Variants in WDR25 observed in about 807,000 individuals in gnomAD.
WDR25 encodes WD repeat-containing protein 25.
WDR25 carries 35 observed loss-of-function variants against 47.7 expected under a neutral mutation model. The ratio of observed to expected loss-of-function variants is 0.73; its 90% confidence interval spans 0.56 to 0.97. The LOEUF is 0.97. WDR25 is among the 50% of genes least tolerant of loss of function. The probability of loss-of-function intolerance (pLI) is 0.00; values close to 1 mark genes in which losing one functional copy is unlikely to be tolerated. For missense variants in WDR25, 634 were observed against 704.7 expected (o/e 0.90, Z 1.14); for synonymous variants, 248 against 278.9 (o/e 0.89, Z 1.10).
At chr14:100,396,771 G>A (rs892336594) in intron 2 of WDR25, among the ~76,000 whole-genome samples, 2 of 152,244 alleles carry the variant, frequency 1.3e-5, no homozygotes, top group African/African-American at 4.8e-5. Flanking sequence ...GTGGGCTGTG[G>A]CAGGGCCACA....
At chr14:100,472,666 G>A (rs1287218706) in intron 3 of WDR25, among the ~76,000 whole-genome samples, 4 of 152,248 alleles carry the variant, frequency 2.6e-5, no homozygotes, top group African/African-American at 9.6e-5. Flanking sequence ...GCTTACAGAT[G>A]TGCTGTTGGT....
chr14:100,521,806 G>A (rs180783031), intron 4 of WDR25, among the ~76,000 whole-genome samples: 91 of 152,250 alleles, frequency 6.0e-4, no homozygotes, highest in African/African-American at 1.9e-3. Context: ...GCATATTGCC[G>A]AGTAACGATG....
At chr14:100,464,733 T>C (rs1283011443) in intron 2 of WDR25, among the ~76,000 whole-genome samples, 1 of 55,760 alleles carries the variant, frequency 1.8e-5, no homozygotes, top group African/African-American at 7.5e-5. Flanking sequence ...TCTCCCCTAC[T>C]CCATCTCATC....
chr14:100,483,705 C>T (rs1900283368), intron 3 of WDR25, among the ~76,000 whole-genome samples: 1 of 152,182 alleles, frequency 6.6e-6, no homozygotes, highest in Non-Finnish European at 1.5e-5. Context: ...TAATGCATGT[C>T]ATGCTTACAG....
chr14:100,411,856 G>A (rs900760529), intron 2 of WDR25, among the ~76,000 whole-genome samples: 4 of 152,060 alleles, frequency 2.6e-5, no homozygotes, highest in Non-Finnish European at 4.4e-5. Flanking sequence ...TTTTTATCAC[G>A]GCAACTATTG....
intron 2 of WDR25, among the ~76,000 whole-genome samples, chr14:100,403,480 C>T (rs929695083): frequency 3.9e-5 from 6 of 152,204 alleles, no homozygotes; most frequent in Admixed American, 1.3e-4. Context: ...TACCCTAGGT[C>T]TGGGGAAGGT....
At chr14:100,522,959 T>C (rs935708418) in intron 4 of WDR25, among the ~76,000 whole-genome samples, 1 of 152,152 alleles carries the variant, frequency 6.6e-6, no homozygotes, top group African/African-American at 2.4e-5. Flanking sequence ...TCTCCACGTC[T>C]GAGGCACAGG....
intron 2 of WDR25, among the ~76,000 whole-genome samples, chr14:100,397,678 T>A (rs1256572265): frequency 6.6e-6 from 1 of 152,164 alleles, no homozygotes; most frequent in Non-Finnish European, 1.5e-5. Flanking sequence ...GGGTAGCCAT[T>A]GCTCAGCAGC....
chr14:100,381,193 C>A lies in WDR25; in HGVS notation c.269C>A (p.Ser90Tyr). ...CAGCTTGGGAGAAGCGATTGGGGAT[C>A]TTGCCCCAGCCAGAGGCTACAGTGG... ...LAQLGRSDWG[S>Y]CPSQRLQWPG... The change falls in exon 2 of 7, where the codon TCT (serine) becomes TAT (tyrosine). Residue 90 changes from serine to tyrosine, a missense_variant. Coordinates refer to ENST00000402312, the MANE Select transcript of WDR25 (RefSeq NM_001161476.3). The A allele has an allele frequency of 6.2e-7, 1 of 1,614,180 alleles. No homozygotes were observed. Among genetic ancestry groups the A allele is most frequent in the South Asian group, 1.1e-5 (1 of 91,074 alleles).
chr14:100,418,542 C>A (rs993615665), intron 2 of WDR25, among the ~76,000 whole-genome samples: 7 of 150,848 alleles, frequency 4.6e-5, no homozygotes, highest in Middle Eastern at 3.2e-3. Flanking sequence ...GAGGCTGAGG[C>A]AGGAGAATTG....
intron 2 of WDR25, among the ~76,000 whole-genome samples, chr14:100,417,122 C>T (rs1413824696): frequency 2.0e-5 from 3 of 152,140 alleles, no homozygotes; most frequent in South Asian, 2.1e-4. Flanking sequence ...TTTGGTGAGC[C>T]GAGCCTGGGC....
intron 4 of WDR25, among the ~76,000 whole-genome samples, chr14:100,485,274 A>G (rs1020744719): frequency 5.3e-5 from 8 of 151,994 alleles, no homozygotes; most frequent in Non-Finnish European, 1.2e-4. Flanking sequence ...CCCCTCTGCT[A>G]TCTCATTTCT....
Position 100,528,415 on chromosome 14 carries a change from T to C in WDR25, c.1273-653T>C, listed in dbSNP as rs1227807672. Among the ~76,000 whole-genome samples the C allele has an allele frequency of 2.0e-5, 3 of 149,134 alleles. No individual in the cohort carries two copies. In the Admixed American group the frequency reaches 2.0e-4, roughly 10 times the overall value. On this transcript the variant is annotated intron_variant, in intron 5 of 6. Coordinates refer to ENST00000402312, the MANE Select transcript of WDR25 (RefSeq NM_001161476.3). Reference sequence around the variant, plus strand: ...TCACTGTTTGTCACATCTCTGCGCCTTCCCTTTGTTTCTTTCTTTCTTTTT... The same window carrying C: ...TCACTGTTTGTCACATCTCTGCGCCCTCCCTTTGTTTCTTTCTTTCTTTTT...
rs561898975 is a variant in WDR25 at position 100,390,895 on chromosome 14, C to T, written c.822+9149C>T. Among the ~76,000 whole-genome samples, 3 of 152,326 alleles carry T rather than the reference C, an allele frequency of 2.0e-5. No homozygotes were observed. The East Asian group carries it at 5.8e-4, about 29-fold the overall frequency. On this transcript the variant is annotated intron_variant, in intron 2 of 6. Transcript: ENST00000402312. ...AATTTAATGGTGTCTTGTTTGAGAA[C>T]CAAGTGAGTTCATTTACGTACAGCT...
intron 4 of WDR25, among the ~76,000 whole-genome samples, chr14:100,485,563 C>T (rs527667549): frequency 6.9e-4 from 105 of 152,328 alleles, no homozygotes; most frequent in African/African-American, 2.1e-3. Context: ...CTTCACACAG[C>T]GAGGTGGCCT....
intron 3 of WDR25, among the ~76,000 whole-genome samples, chr14:100,477,899 G>A (rs1900070535): frequency 6.6e-6 from 1 of 152,092 alleles, no homozygotes; most frequent in Non-Finnish European, 1.5e-5. Flanking sequence ...AGACCATCCT[G>A]GCTAACACGG....
chr14:100,474,485 T>G (rs1370203417), intron 3 of WDR25, among the ~76,000 whole-genome samples: 2 of 152,248 alleles, frequency 1.3e-5, no homozygotes, highest in South Asian at 2.1e-4. Context: ...GTGTGTTTGG[T>G]TGCAGCTGCA....
chr14:100,478,721 A>AT (rs1297928620), intron 3 of WDR25, among the ~76,000 whole-genome samples: 2 of 152,144 alleles, frequency 1.3e-5, no homozygotes, highest in Admixed American at 6.5e-5. Context: ...TAACATTCAG[A>AT]TTTTTTGTTT....
chr14:100,484,014 C>A lies in WDR25; in HGVS notation c.991C>A (p.Arg331=), dbSNP rs777811028. 2.5e-6 allele frequency: 4 copies of A among 1,612,754 alleles called. No individual in the cohort carries two copies. The South Asian group carries it at 3.3e-5, about 13-fold the overall frequency. ...TGTAGGAACCCAGCTATTTAGTGGT[C>A]GAAGTGACTTTAGAATCACTACCTT... The part of the protein sequence containing the change: ...LETGTQLFSG[R]SDFRITTLKF... Residue 331 remains arginine (R), a synonymous_variant, in exon 4 of 7, where the codon CGA becomes AGA. Transcript: ENST00000402312.
Sources: allele counts gnomAD v4.1 joint callset (sites outside exome capture counted in the v4.1 genomes callset), GRCh38; gene constraint gnomAD v4.1.1; transcripts MANE v1.5; gene names NCBI Gene and HGNC (gene_info 2026-07-23, HGNC 2026-07-21).